DCLK1: variants seen among roughly 807,000 people sequenced by gnomAD.
DCLK1 encodes doublecortin like kinase 1, also known as serine/threonine-protein kinase DCLK1.
A neutral mutation model predicts 86.2 loss-of-function variants in DCLK1; 16 were observed. That is an observed-to-expected ratio of 0.19 (90% CI 0.13 to 0.28). The LOEUF (loss-of-function observed/expected upper bound fraction) is 0.28, where lower values mean the gene tolerates loss of function less well. Ranked by LOEUF, DCLK1 falls within the 10% of genes least tolerant of loss-of-function variation. The pLI, the probability that DCLK1 is intolerant of heterozygous loss-of-function variation, is 1.00. For synonymous variants in DCLK1, 369 were observed against 370.5 expected (o/e 1.00, Z 0.05); for missense variants, 590 against 940.2 (o/e 0.63, Z 4.87).
chr13:35,884,611 C>A (rs1372859754), intron 4 of DCLK1, among the ~76,000 whole-genome samples: 1 of 152,148 alleles, frequency 6.6e-6, no homozygotes, highest in East Asian at 1.9e-4. Flanking sequence ...TCCTTGGGTA[C>A]GGCTCCTTTA....
chr13:35,987,942 G>A (rs925037615), intron 3 of DCLK1, among the ~76,000 whole-genome samples: 2 of 152,174 alleles, frequency 1.3e-5, no homozygotes, highest in Non-Finnish European at 2.9e-5. Context: ...TAGGGACAAG[G>A]AGCAGCCCAT....
At chr13:35,843,978 G>A (rs1869999094) in intron 6 of DCLK1, among the ~76,000 whole-genome samples, 1 of 151,974 alleles carries the variant, frequency 6.6e-6, no homozygotes. Flanking sequence ...GAAACCCACA[G>A]AATTCTATAT....
At chr13:35,847,474 C>T (rs959588951) in intron 6 of DCLK1, 1 of 984,808 alleles carries the variant, frequency 1.0e-6, no homozygotes, top group African/African-American at 1.8e-5. Flanking sequence ...ACATAAACAC[C>T]CAAACACCTG....
chr13:36,101,386 T>C (rs926642264), intron 3 of DCLK1, among the ~76,000 whole-genome samples: 29 of 152,156 alleles, frequency 1.9e-4, no homozygotes, highest in Non-Finnish European at 3.8e-4. Context: ...TTCCAGAAAA[T>C]TGCTGCTGGC....
chr13:35,995,774 G>T lies in DCLK1; in HGVS notation c.724-48317C>A, dbSNP rs933546801. Among the ~76,000 whole-genome samples, 9 of 152,228 alleles carry T rather than the reference G, an allele frequency of 5.9e-5. No homozygotes were observed. In the South Asian group the frequency reaches 1.9e-3, roughly 32 times the overall value. ...CTAACCCACGTACGTGAGATCACAC[G>T]TTTTTACCATAAATCTTTGTTTCCT... On this transcript the variant is annotated intron_variant, in intron 3 of 16. Coordinates refer to ENST00000360631, the MANE Select transcript of DCLK1 (RefSeq NM_001330071.2).
At chr13:36,024,440 C>T (rs760263068) in intron 3 of DCLK1, among the ~76,000 whole-genome samples, 5 of 151,894 alleles carry the variant, frequency 3.3e-5, no homozygotes, top group Middle Eastern at 3.4e-3. Flanking sequence ...TATAAACTAA[C>T]GAGAAATCTA....
In DCLK1 at chr13:36,020,950, A is replaced by C. The variant is rs73180251; in HGVS notation, c.724-73493T>G. ...AGCACTGGCAAAGGTAACCAAGTAC[A>C]TAGGCAAATATATAAGTATGTAAAT... is the stretch of plus-strand genomic sequence containing the variant. On this transcript the variant is annotated intron_variant, in intron 3 of 16. Coordinates refer to ENST00000360631, the MANE Select transcript of DCLK1 (RefSeq NM_001330071.2). Among the ~76,000 whole-genome samples the C allele has an allele frequency of 3.3e-5, 5 of 152,234 alleles. No individual in the cohort carries two copies. The South Asian group carries it at 8.3e-4, about 25-fold the overall frequency.
At chr13:35,871,468 G>T in intron 4 of DCLK1, 128 bp from the exon 5 acceptor site, 1 of 787,076 alleles carries the variant, frequency 1.3e-6, no homozygotes, top group Non-Finnish European at 2.1e-6. Flanking sequence ...CCCACCAGCT[G>T]GGTTCTTGTC....
At chr13:36,121,550 T>C (rs1885993250) in intron 2 of DCLK1, among the ~76,000 whole-genome samples, 1 of 150,088 alleles carries the variant, frequency 6.7e-6, no homozygotes, top group African/African-American at 2.5e-5. Context: ...TTGTTATAAT[T>C]GTTCCATTGT....
At chr13:35,993,831 A>G (rs937515929) in intron 3 of DCLK1, among the ~76,000 whole-genome samples, 2 of 113,842 alleles carry the variant, frequency 1.8e-5, no homozygotes, top group African/African-American at 8.0e-5. Context: ...TTCTCTGAAC[A>G]CTCATGAGAA....
intron 16 of DCLK1, 144 bp from the exon 17 acceptor site, chr13:35,774,843 C>T: frequency 5.4e-6 from 5 of 928,594 alleles, no homozygotes; most frequent in Non-Finnish European, 7.9e-6. Flanking sequence ...TTGACAGTCA[C>T]CACTCTCAGG....
intron 4 of DCLK1, among the ~76,000 whole-genome samples, chr13:35,930,680 C>T (rs915089495): frequency 6.6e-6 from 1 of 152,162 alleles, no homozygotes; most frequent in African/African-American, 2.4e-5. Flanking sequence ...CCCCATTAGA[C>T]TGAGATGATT....
intron 3 of DCLK1, among the ~76,000 whole-genome samples, chr13:36,007,432 T>C (rs1007474228): frequency 2.6e-5 from 4 of 152,212 alleles, no homozygotes; most frequent in African/African-American, 9.7e-5. Context: ...TGCAAAATCT[T>C]TGTCCAAGTC....
At chr13:35,815,134 T>G (rs2153103750) in intron 11 of DCLK1, among the ~76,000 whole-genome samples, 1 of 150,844 alleles carries the variant, frequency 6.6e-6, no homozygotes. Context: ...GAAAGGAGGG[T>G]TTTATTTTTG....
chr13:36,113,512 T>A (rs547566739), intron 2 of DCLK1, among the ~76,000 whole-genome samples: 4 of 152,288 alleles, frequency 2.6e-5, no homozygotes, highest in African/African-American at 9.6e-5. Flanking sequence ...GTATTTTTGA[T>A]ATTTTCTTAA....
intron 16 of DCLK1, among the ~76,000 whole-genome samples, chr13:35,779,769 C>T (rs1041158325): frequency 6.6e-6 from 1 of 152,134 alleles, no homozygotes; most frequent in African/African-American, 2.4e-5. Context: ...TCATACTAAA[C>T]ACTGTCATGT....
At chr13:36,013,564 T>C (rs1341917446) in intron 3 of DCLK1, among the ~76,000 whole-genome samples, 1 of 152,176 alleles carries the variant, frequency 6.6e-6, no homozygotes, top group East Asian at 1.9e-4. Context: ...AGGGACCCAC[T>C]TGAGGAAGCA....
chr13:35,794,351 T>C (rs1241502384), intron 15 of DCLK1, among the ~76,000 whole-genome samples: 1 of 149,542 alleles, frequency 6.7e-6, no homozygotes, highest in East Asian at 1.9e-4. Flanking sequence ...TAATAGAGTG[T>C]TTGTAACTCA....
intron 16 of DCLK1, among the ~76,000 whole-genome samples, chr13:35,776,175 T>C (rs1260705720): frequency 6.6e-6 from 1 of 152,250 alleles, no homozygotes; most frequent in Non-Finnish European, 1.5e-5. Flanking sequence ...CTTAAACCTA[T>C]TGATTTTATG....
Sources: gnomAD v4.1 joint callset for allele counts (sites outside exome capture counted in the v4.1 genomes callset) on GRCh38, gnomAD v4.1.1 for gene constraint, MANE v1.5 for transcripts, NCBI Gene and HGNC (gene_info 2026-07-23, HGNC 2026-07-21) for gene names.